The following KIF1C variants were observed in gnomAD, a reference collection of about 807,000 sequenced individuals.
The protein encoded by KIF1C is kinesin-like protein KIF1C.
Under a neutral mutation model 126.5 loss-of-function variants are expected in KIF1C, and 61 were observed. That is an observed-to-expected ratio of 0.48 (90% confidence interval 0.39 to 0.60). The LOEUF is 0.60. Ranked by LOEUF, KIF1C falls within the 20% of genes least tolerant of loss-of-function variation. The pLI is 0.00. For synonymous variants in KIF1C, 640 were observed against 580.6 expected, an observed-to-expected ratio of 1.10 and a Z score of -1.47; for missense variants, 1,315 against 1,489.2, an observed-to-expected ratio of 0.88 and a Z score of 1.93.
At chr17:5,002,020 A>T (rs1567719759) in intron 5 of KIF1C, 39 bp from the exon 6 acceptor site, 1 of 1,592,000 alleles carries the variant, frequency 6.3e-7, no homozygotes, top group Non-Finnish European at 8.6e-7. Context: ...GTGTGCCCTG[A>T]ACAGGAGCTT....
At chr17:5,019,190 A>C (rs946067730) in intron 18 of KIF1C, 2 of 167,338 alleles carry the variant, frequency 1.2e-5, no homozygotes, top group Non-Finnish European at 2.9e-5. Context: ...TTCCAGTATA[A>C]GTATTATAAT....
At chr17:5,006,313 G>T (rs1338779897) in intron 13 of KIF1C, among the ~76,000 whole-genome samples, 1 of 151,566 alleles carries the variant, frequency 6.6e-6, no homozygotes, top group Admixed American at 6.6e-5. Flanking sequence ...GGGATTATAG[G>T]TATGAGCCAC....
intron 18 of KIF1C, among the ~76,000 whole-genome samples, chr17:5,017,234 A>G (rs1034140589): frequency 1.3e-5 from 2 of 151,456 alleles, no homozygotes; most frequent in Non-Finnish European, 2.9e-5. Flanking sequence ...AAGGCAGCCA[A>G]TGATTCTGTG....
intron 5 of KIF1C, 45 bp from the exon 6 acceptor site, chr17:5,002,014 G>T (rs373493511): frequency 3.8e-6 from 6 of 1,571,830 alleles, no homozygotes; most frequent in Non-Finnish European, 5.3e-6. Context: ...CTTTAGGTGT[G>T]CCCTGAACAG....
chr17:5,000,435 A>G, intron 3 of KIF1C, 83 bp downstream of exon 3: 1 of 933,894 alleles, frequency 1.1e-6, no homozygotes, highest in South Asian at 1.4e-5. Context: ...GGGCCAAACT[A>G]AGAGGAGGGT....
chr17:5,002,471 A>C lies in KIF1C; in HGVS notation c.437A>C (p.Tyr146Ser). ...TTTGCTTCTCCCACTCAGGTGAGCT[A>C]TATGGAGATCTACTGTGAGCGGGTA... ...AQLSYSVEVS[Y>S]MEIYCERVRD... is the part of the protein sequence containing the mutation. Residue 146 changes from tyrosine to serine, a missense_variant, in exon 7 of 23, where the codon TAT becomes TCT. Tyr to Ser is a moderately radical substitution (Grantham distance 144). Coordinates refer to ENST00000320785, the MANE Select transcript of KIF1C (RefSeq NM_006612.6). The C allele has an allele frequency of 1.3e-6, 2 of 1,594,902 alleles. No individual in the cohort carries two copies. The highest frequency in any genetic ancestry group is 1.7e-6 in the Non-Finnish European group (2 of 1,167,184).
At position 4,999,972 on chromosome 17, in the gene KIF1C, T is replaced by A; in HGVS notation, c.-28+2T>A. ...CCTGGTCTGGGGCCAGGACGCCAGG[T>A]AACTGGGGGAGACCGCCCAGGTTCC... On this transcript the variant is annotated splice_donor_variant, in intron 2 of 22. Coordinates refer to ENST00000320785, the MANE Select transcript of KIF1C (RefSeq NM_006612.6). LOFTEE classifies it low-confidence loss of function (5UTR_SPLICE). The A allele has an allele frequency of 2.2e-6, 1 of 453,216 alleles. No homozygotes were observed. The highest frequency in any genetic ancestry group is 4.0e-6 in the Non-Finnish European group (1 of 247,156). 28.1% of individuals were successfully genotyped at this position (453,216 alleles called of 1,614,324 possible).
intron 12 of KIF1C, 102 bp from the exon 13 acceptor site, chr17:5,004,753 C>T: frequency 3.1e-6 from 5 of 1,594,962 alleles, no homozygotes; most frequent in Non-Finnish European, 4.3e-6. Flanking sequence ...ATGCCGGAGC[C>T]TTGCCACAAT....
At chr17:5,006,864 T>C in intron 13 of KIF1C, 51 bp from the exon 14 acceptor site, 2 of 1,588,232 alleles carry the variant, frequency 1.3e-6, no homozygotes, top group South Asian at 1.1e-5. Flanking sequence ...ATGTCTCTCA[T>C]CAGCTCCTTC....
At position 5,002,800 on chromosome 17, in the gene KIF1C, A is replaced by G. The variant is rs761507453; in HGVS notation, c.678A>G (p.Thr226=). Residue 226 remains threonine, a synonymous_variant, in exon 8 of 23, where the codon ACA becomes ACG. Coordinates refer to ENST00000320785, the MANE Select transcript of KIF1C (RefSeq NM_006612.6). ...RSHAVFTIVF[T]QRCHDQLTGL... Reference sequence around the variant, plus strand: ...ATGCCGTCTTTACCATCGTCTTCACACAGCGCTGCCATGACCAGCTCACGG... The same window carrying G: ...ATGCCGTCTTTACCATCGTCTTCACGCAGCGCTGCCATGACCAGCTCACGG... The G allele has an allele frequency of 6.2e-6, 10 of 1,613,548 alleles. No individual in the cohort carries two copies. Among genetic ancestry groups the G allele is most frequent in the South Asian group, 2.2e-5 (2 of 91,060 alleles).
Position 5,022,837 on chromosome 17 carries a change from T to C in KIF1C, c.2628+128T>C. The stretch of plus-strand genomic sequence containing the variant: ...ATTGCATTGAAGTATAGTACGTTTT[T>C]TTCAATATTGTTTACGAACCACATG... On this transcript the variant is annotated intron_variant, in intron 22 of 22. Coordinates refer to ENST00000320785, the MANE Select transcript of KIF1C (RefSeq NM_006612.6). The surrounding 1 kb of genome is among the most constrained non-coding windows in gnomAD (Gnocchi z 4.9). The C allele has an allele frequency of 7.8e-7, 1 of 1,287,612 alleles. No homozygotes were observed. Among genetic ancestry groups the C allele is most frequent in the East Asian group, 2.8e-5 (1 of 35,970 alleles). 79.8% of individuals were successfully genotyped at this position (1,287,612 alleles called of 1,614,324 possible).
chr17:5,000,202 C>T lies in KIF1C; in HGVS notation c.-27-18C>T. 2.8e-6 allele frequency: 4 copies of T among 1,419,670 alleles called. No individual in the cohort carries two copies. Among genetic ancestry groups the T allele is most frequent in the Non-Finnish European group, 3.9e-6 (4 of 1,026,982 alleles). The allele number at this position is 1,419,670 out of a possible 1,614,324, so 87.9% of individuals were successfully genotyped here. ...CTGCAGTGGTTCTGACCCCACCACT[C>T]CTTTCTCTGTCCTCCAGCTGAGGAG... On this transcript the variant is annotated intron_variant, in intron 2 of 22. Coordinates refer to ENST00000320785, the MANE Select transcript of KIF1C (RefSeq NM_006612.6).
At chr17:5,002,180 C>T (rs1410052990) in intron 6 of KIF1C, 56 bp downstream of exon 6, 28 of 1,500,334 alleles carry the variant, frequency 1.9e-5, no homozygotes, top group African/African-American at 5.5e-5. Flanking sequence ...TGAGGGCTGT[C>T]GCTGGAATCA....
intron 18 of KIF1C, among the ~76,000 whole-genome samples, chr17:5,017,293 CTTTTTTTTTT>C (rs34140025): frequency 4.7e-5 from 4 of 85,214 alleles, no homozygotes; most frequent in Admixed American, 1.4e-4. Flanking sequence ...GGCCTTGGTT[CTTTTTTTTTT>C]TTTTTTTTTT....
chr17:5,000,969 A>T (rs1424342060), intron 4 of KIF1C, 121 bp downstream of exon 4: 2 of 1,082,588 alleles, frequency 1.8e-6, no homozygotes, highest in African/African-American at 3.1e-5. Flanking sequence ...TGGGAGGATG[A>T]TCCTGGGTGG....
rs1974538518 is a variant in KIF1C, at chr17:4,999,977, G to A, written c.-28+7G>A. The A allele has an allele frequency of 2.1e-6, 1 of 466,934 alleles. No homozygotes were observed. Among genetic ancestry groups the A allele is most frequent in the Non-Finnish European group, 3.9e-6 (1 of 255,034 alleles). 28.9% of individuals were successfully genotyped at this position (466,934 alleles called of 1,614,324 possible). ...TCTGGGGCCAGGACGCCAGGTAACT[G>A]GGGGAGACCGCCCAGGTTCCTGCAA... On this transcript the variant is annotated splice_region_variant and intron_variant, in intron 2 of 22. Coordinates refer to ENST00000320785, the MANE Select transcript of KIF1C (RefSeq NM_006612.6).
chr17:5,020,945 A>C lies in KIF1C; in HGVS notation c.2010+67A>C. On this transcript the variant is annotated intron_variant, in intron 21 of 22. Transcript: ENST00000320785. The surrounding 1 kb of genome is among the most constrained non-coding windows in gnomAD (Gnocchi z 5.8). ...GAGCCGCAAGCCTGAGTCCGAGTGC[A>C]GTGCTCACCGCTGAGCCAGAGTGGG... The C allele has an allele frequency of 1.4e-6, 2 of 1,389,122 alleles. No homozygotes were observed. The highest frequency in any genetic ancestry group is 1.2e-5 in the South Asian group (1 of 80,884). 86.0% of individuals were successfully genotyped at this position (1,389,122 alleles called of 1,614,324 possible).
rs1280109702 is a variant in KIF1C, at chr17:5,024,696, A to G, written c.*545A>G. On this transcript the variant is annotated 3_prime_UTR_variant, in exon 23 of 23. Coordinates refer to ENST00000320785, the MANE Select transcript of KIF1C (RefSeq NM_006612.6). ...GTGGGCCCTTTAATAAAGGATAGCA[A>G]ACAGGGAGCTTGTGGCCTGTTTGTT... 1 of 153,620 alleles carries G rather than the reference A, an allele frequency of 6.5e-6. No individual in the cohort carries two copies. The highest frequency in any genetic ancestry group is 1.5e-5 in the Non-Finnish European group (1 of 68,754). 9.5% of individuals were successfully genotyped at this position (153,620 alleles called of 1,614,324 possible).
At chr17:5,000,407 A>G (rs1974552966) in intron 3 of KIF1C, 55 bp downstream of exon 3, 2 of 1,225,734 alleles carry the variant, frequency 1.6e-6, no homozygotes, top group Non-Finnish European at 1.2e-6. Context: ...CGGGCCCACC[A>G]CACAGGCCAG....
Sources: allele counts gnomAD v4.1 joint callset (sites outside exome capture counted in the v4.1 genomes callset), GRCh38; gene constraint gnomAD v4.1.1; non-coding constraint Gnocchi (gnomAD v3.1); transcripts MANE v1.5; gene names NCBI Gene and HGNC (gene_info 2026-07-23, HGNC 2026-07-21).